DMD: variants seen among roughly 807,000 people sequenced by gnomAD.
DMD encodes mutant dystrophin.
Under a neutral mutation model 330.1 loss-of-function variants are expected in DMD, and 63 were observed. The observed-to-expected ratio is 0.19, with a 90% CI of 0.16 to 0.24. DMD has a LOEUF of 0.24. Ranked by LOEUF, DMD falls within the 10% of genes least tolerant of loss-of-function variation. The pLI is 1.00. For synonymous variants in DMD, 1,223 were observed against 959.8 expected, an observed-to-expected ratio of 1.27 and a Z score of -5.07; for missense variants, 3,344 against 2,684.1, an observed-to-expected ratio of 1.25 and a Z score of -5.43.
intron 63 of DMD, among the ~76,000 whole-genome samples, chrX:31,255,949 G>A (rs1171485288): frequency 1.8e-5 from 2 of 108,687 alleles, no homozygotes; most frequent in Non-Finnish European, 3.8e-5. Flanking sequence ...CTAATTTTTT[G>A]TTTTTTTAGT....
chrX:33,054,075 TAA>T (rs1368900274), intron 1 of DMD, among the ~76,000 whole-genome samples: 1 of 111,503 alleles, frequency 9.0e-6, no homozygotes, highest in African/African-American at 3.3e-5. Context: ...ACGTGGCAAA[TAA>T]AGAGACAAGG....
At position 31,658,035 on chromosome X, in the gene DMD, A is replaced by T. The variant is rs1455414664; in HGVS notation, c.7982T>A (p.Met2661Lys). ...YSADDTRKVH[M>K]ITENINASWR... ...AGAGGCATTGATATTCTCTGTTATC[A>T]TGTGGACTTTTCTGGTATCATCTGC... The change falls in exon 54 of 79, where the codon ATG becomes AAG. Residue 2661 changes from methionine to lysine, a missense_variant. By Grantham distance (95) the Met-to-Lys change is moderately conservative. Transcript: ENST00000357033. The T allele has an allele frequency of 1.7e-6, 2 of 1,209,248 alleles. No individual in the cohort carries two copies. Among genetic ancestry groups the T allele is most frequent in the Non-Finnish European group, 2.2e-6 (2 of 894,457 alleles).
intron 59 of DMD, among the ~76,000 whole-genome samples, chrX:31,455,523 A>G (rs1430377036): frequency 1.8e-5 from 2 of 112,134 alleles, no homozygotes; most frequent in African/African-American, 6.5e-5. Flanking sequence ...ACCAATAGCT[A>G]TTGTCAGACT....
rs1159787141 is a variant in DMD at position 33,248,026 on chromosome X, GTATT to G, written c.7+91229_7+91232del. 6.3e-5 allele frequency among the ~76,000 whole-genome samples: 7 copies of G among 111,299 alleles called. No individual in the cohort carries two copies. The East Asian group carries it at 1.7e-3, about 27-fold the overall frequency. ...AATGGAGAATAAATAATATTTTATT[GTATT>G]TATTTATTTATTTACTTATTTATTT... On this transcript the variant is annotated intron_variant, in intron 1 of 17. Coordinates refer to the DMD transcript ENST00000288447.
intron 7 of DMD, among the ~76,000 whole-genome samples, chrX:32,773,522 T>G: frequency 9.3e-6 from 1 of 107,514 alleles, no homozygotes; most frequent in South Asian, 4.1e-4. Context: ...TTTTATTTTT[T>G]TTTTTTTTTT....
intron 26 of DMD, among the ~76,000 whole-genome samples, chrX:32,449,836 AT>A (rs2098322923): frequency 9.1e-6 from 1 of 110,400 alleles, no homozygotes. Flanking sequence ...TAAGTAGTTT[AT>A]TTATGTGTGC....
chrX:31,587,436 T>C (rs1475978524), intron 55 of DMD, among the ~76,000 whole-genome samples: 3 of 112,470 alleles, frequency 2.7e-5, no homozygotes, highest in Middle Eastern at 4.6e-3. Context: ...TTGTACACCA[T>C]GAATATATAC....
intron 54 of DMD, among the ~76,000 whole-genome samples, chrX:31,657,320 C>T (rs758472886): frequency 1.3e-4 from 14 of 111,605 alleles, no homozygotes; most frequent in African/African-American, 4.6e-4. Flanking sequence ...AAATCTCTGC[C>T]CTCATGGCAT....
chrX:33,069,165 G>A (rs1215438545), intron 1 of DMD, among the ~76,000 whole-genome samples: 1 of 111,406 alleles, frequency 9.0e-6, no homozygotes, highest in African/African-American at 3.3e-5. Flanking sequence ...AGCCATTTTT[G>A]CAGTTGAGTA....
chrX:31,730,169 G>T (rs1050909296), intron 51 of DMD, among the ~76,000 whole-genome samples: 1 of 111,652 alleles, frequency 9.0e-6, no homozygotes, highest in Admixed American at 9.5e-5. Context: ...GCACAGAACC[G>T]ATTTAAGAGA....
chrX:31,220,568 T>C (rs902031148), intron 64 of DMD, among the ~76,000 whole-genome samples: 1 of 111,838 alleles, frequency 8.9e-6, no homozygotes, highest in Admixed American at 9.5e-5. Context: ...CTTCTGTAGG[T>C]TGCTTATCCT....
intron 48 of DMD, among the ~76,000 whole-genome samples, chrX:31,863,688 G>A (rs2093750528): frequency 9.0e-6 from 1 of 111,285 alleles, no homozygotes; most frequent in Admixed American, 9.6e-5. Flanking sequence ...ATTACTAAGT[G>A]TATTTATTAT....
chrX:33,155,476 C>T (rs1476657077), intron 1 of DMD, among the ~76,000 whole-genome samples: 1 of 110,397 alleles, frequency 9.1e-6, no homozygotes, highest in Non-Finnish European at 1.9e-5. Flanking sequence ...CCACCACACC[C>T]AGCTAATTTT....
At chrX:31,557,403 C>CATG (rs1161162494) in intron 55 of DMD, among the ~76,000 whole-genome samples, 2 of 111,565 alleles carry the variant, frequency 1.8e-5, no homozygotes, top group African/African-American at 6.5e-5. Context: ...TTAAACTGAT[C>CATG]ATGAGGTTTC....
At chrX:31,661,438 C>T (rs960492365) in intron 53 of DMD, among the ~76,000 whole-genome samples, 1 of 110,827 alleles carries the variant, frequency 9.0e-6, no homozygotes, top group Non-Finnish European at 1.9e-5. Flanking sequence ...ATTCTGCCCG[C>T]CCACCTTGGG....
Position 32,318,259 on chromosome X carries a change from G to T in DMD, c.5923-7983C>A, listed in dbSNP as rs776875954. Among the ~76,000 whole-genome samples the T allele has an allele frequency of 4.5e-5, 5 of 111,420 alleles. No homozygotes were observed. In the East Asian group the frequency reaches 1.4e-3, roughly 32 times the overall value. On this transcript the variant is annotated intron_variant, in intron 41 of 78. Coordinates refer to ENST00000357033, the MANE Select transcript of DMD (RefSeq NM_004006.3). Reference sequence around the variant, plus strand: ...CTCCTGGACAATTATAATAGGCATTGTAAGCATAAAAATGCAAATCACAAA... The same window carrying T: ...CTCCTGGACAATTATAATAGGCATTTTAAGCATAAAAATGCAAATCACAAA...
chrX:31,885,611 C>CAAAAAAAAAAAAAAAAAAAAAA (rs762289533), intron 47 of DMD, among the ~76,000 whole-genome samples: 1 of 52,325 alleles, frequency 1.9e-5, no homozygotes, highest in Non-Finnish European at 3.3e-5. Context: ...CTCCGTCTCA[C>CAAAAAAAAAAAAAAAAAAAAAA]AAAAAAAAAA....
chrX:31,260,643 G>GA lies in DMD; in HGVS notation c.9286+311dup, dbSNP rs201879490. On this transcript the variant is annotated intron_variant, in intron 63 of 78. Coordinates refer to ENST00000357033, the MANE Select transcript of DMD (RefSeq NM_004006.3). Reference sequence around the variant, plus strand: ...AAACAGTTTTCTATCTTCGTGGGAAGAAAAAAAAAAATAGCCATAAATTGC... The same window carrying GA: ...AAACAGTTTTCTATCTTCGTGGGAAGAAAAAAAAAAAATAGCCATAAATTGC... 8.3e-3 allele frequency among the ~76,000 whole-genome samples: 854 copies of GA among 102,839 alleles called. 7 individuals carry two copies. Among genetic ancestry groups the GA allele is most frequent in the African/African-American group, 0.023 (642 of 28,519 alleles). The allele number at this position is 102,839 out of a possible 115,157, so 89.3% of individuals were successfully genotyped here. A position where few individuals can be genotyped will look rare whatever the true frequency, so the allele number is the denominator to read the frequency against.
At chrX:33,275,746 T>C (rs5971704) in intron 1 of DMD, among the ~76,000 whole-genome samples, 2,123 of 111,817 alleles carry the variant, frequency 0.019, 61 homozygotes, top group African/African-American at 0.065. Flanking sequence ...TAAAATTAAA[T>C]ATGGAATTGA....
Sources: gnomAD v4.1 joint callset for allele counts (sites outside exome capture counted in the v4.1 genomes callset) on GRCh38, gnomAD v4.1.1 for gene constraint, MANE v1.5 for transcripts, NCBI Gene and HGNC (gene_info 2026-07-23, HGNC 2026-07-21) for gene names.